CIB4: variants seen among roughly 807,000 people sequenced by gnomAD.
CIB4 encodes calcium and integrin binding family member 4.
CIB4 carries 25 observed loss-of-function variants against 25.8 expected under a neutral mutation model. The ratio of observed to expected loss-of-function variants is 0.97; its 90% confidence interval spans 0.71 to 1.35. The LOEUF is 1.35. Among genes scored for constraint, CIB4 ranks in the 40% most tolerant of loss-of-function variants. CIB4 has a pLI of 0.00. For synonymous variants in CIB4, 75 were observed against 81.4 expected, an observed-to-expected ratio of 0.92 and a Z score of 0.42; for missense variants, 235 against 228.2, an observed-to-expected ratio of 1.03 and a Z score of -0.19.
chr2:26,626,635 T>A (rs890624704), intron 3 of CIB4, among the ~76,000 whole-genome samples: 1 of 152,088 alleles, frequency 6.6e-6, no homozygotes, highest in African/African-American at 2.4e-5. Flanking sequence ...ATCAGAAAAG[T>A]AAAATTAAAA....
In CIB4 at chr2:26,627,518, C is replaced by T. The variant is rs934962012; in HGVS notation, c.186+1892G>A. Among the ~76,000 whole-genome samples the T allele has an allele frequency of 2.0e-5, 3 of 152,168 alleles. No homozygotes were observed. The highest frequency in any genetic ancestry group is 7.2e-5 in the African/African-American group (3 of 41,426). On this transcript the variant is annotated intron_variant, in intron 3 of 6. Transcript: ENST00000288861. This position sits in a 1 kb window ranked among gnomAD's most constrained non-coding sequence, Gnocchi z 4.0. ...GCCCTGCCTGTCTGGCTGGCCCTGACCCCGGGTCCCTTAGTGGATGGCCTG... is the reference window on the plus strand; with the variant it reads ...GCCCTGCCTGTCTGGCTGGCCCTGATCCCGGGTCCCTTAGTGGATGGCCTG...
chr2:26,598,235 G>T (rs934017246), intron 3 of CIB4, among the ~76,000 whole-genome samples: 3 of 151,920 alleles, frequency 2.0e-5, no homozygotes, highest in Non-Finnish European at 4.4e-5. Flanking sequence ...AGGAGGCGGA[G>T]GTTGCAGTGA....
At chr2:26,589,056 CTT>C (rs1235509696) in intron 4 of CIB4, among the ~76,000 whole-genome samples, 50 of 26,680 alleles carry the variant, frequency 1.9e-3, no homozygotes, top group Non-Finnish European at 3.2e-3. Flanking sequence ...TCTTCTTCTT[CTT>C]CCTCTTCCTC....
At chr2:26,633,299 C>A (rs1236200193) in intron 2 of CIB4, among the ~76,000 whole-genome samples, 1 of 152,200 alleles carries the variant, frequency 6.6e-6, no homozygotes, top group Admixed American at 6.5e-5. Flanking sequence ...CTGAATTTTC[C>A]CAACAACTCT....
chr2:26,609,920 A>G (rs1668965203), intron 3 of CIB4, among the ~76,000 whole-genome samples: 1 of 152,234 alleles, frequency 6.6e-6, no homozygotes, highest in African/African-American at 2.4e-5. Flanking sequence ...GTTCAAAGCA[A>G]GAGACTGTAA....
Position 26,627,479 on chromosome 2 carries a change from G to A in CIB4, c.186+1931C>T, listed in dbSNP as rs1023425685. On this transcript the variant is annotated intron_variant, in intron 3 of 6. Transcript: ENST00000288861. The surrounding 1 kb of genome is among the most constrained non-coding windows in gnomAD (Gnocchi z 4.0). ...CCCTGCACCCACCCAGGGGAGGGCA[G>A]AAGCTTCCCATCAGCCCTGCCTGTC... Among the ~76,000 whole-genome samples, 1 of 152,182 alleles carries A rather than the reference G, an allele frequency of 6.6e-6. No homozygotes were observed. Among genetic ancestry groups the A allele is most frequent in the Admixed American group, 6.5e-5 (1 of 15,284 alleles).
intron 2 of CIB4, among the ~76,000 whole-genome samples, chr2:26,637,034 A>T (rs977177329): frequency 1.3e-5 from 2 of 152,140 alleles, no homozygotes; most frequent in Admixed American, 1.3e-4. Context: ...TAAAATGCTG[A>T]CCAGAAGCTC....
chr2:26,587,134 G>A (rs933717735), intron 4 of CIB4, among the ~76,000 whole-genome samples: 15 of 151,686 alleles, frequency 9.9e-5, no homozygotes, highest in African/African-American at 1.5e-4. Flanking sequence ...GTGAAACCCC[G>A]TCTCTACTAA....
At chr2:26,610,654 C>T (rs1248206807) in intron 3 of CIB4, among the ~76,000 whole-genome samples, 1 of 152,218 alleles carries the variant, frequency 6.6e-6, no homozygotes, top group Non-Finnish European at 1.5e-5. Flanking sequence ...TACCTTCCCT[C>T]GGGTCCAAGA....
chr2:26,613,737 A>G (rs562326355), intron 3 of CIB4, among the ~76,000 whole-genome samples: 2 of 152,250 alleles, frequency 1.3e-5, no homozygotes, highest in South Asian at 2.1e-4. Context: ...CTGGAGTTGT[A>G]TCCGGTGCCT....
Position 26,629,439 on chromosome 2 carries a change from C to A in CIB4, c.157G>T (p.Asp53Tyr). 1 of 1,581,830 alleles carries A rather than the reference C, an allele frequency of 6.3e-7. No homozygotes were observed. The highest frequency in any genetic ancestry group is 8.6e-7 in the Non-Finnish European group (1 of 1,163,660). The change falls in exon 3 of 7, where the codon GAC (aspartate) becomes TAC (tyrosine). Residue 53 changes from aspartate (D) to tyrosine (Y), a missense_variant. By Grantham distance (160) the Asp-to-Tyr change is radical (BLOSUM62 -3). Coordinates refer to ENST00000288861, the MANE Select transcript of CIB4 (RefSeq NM_001029881.3). The stretch of plus-strand genomic sequence containing the variant: ...AGAGCTGGCAGGGAGCTGACCTGGT[C>A]CATGGTGAGCGTTGCCTCCTTGTAG... ...KYYKEATLTMDQVSSLPALRV... is the reference protein window; with the variant it reads ...KYYKEATLTMYQVSSLPALRV...
chr2:26,588,978 T>TTTCTTCTTCTTCTTCTTCTTCTTCTTC (rs879474454), intron 4 of CIB4, among the ~76,000 whole-genome samples: 8 of 69,888 alleles, frequency 1.1e-4, no homozygotes, highest in African/African-American at 1.6e-4. Flanking sequence ...CCGCTTCTTC[T>TTTCTTCTTCTTCTTCTTCTTCTTCTTC]TTCTTCTTCT....
At chr2:26,626,552 G>T (rs1037435766) in intron 3 of CIB4, among the ~76,000 whole-genome samples, 8 of 151,988 alleles carry the variant, frequency 5.3e-5, no homozygotes, top group Admixed American at 5.2e-4. Flanking sequence ...GTTTTTCTGT[G>T]TTCTCTAGTT....
Position 26,629,749 on chromosome 2 carries a change from G to A in CIB4, c.90-243C>T, listed in dbSNP as rs144483641. On this transcript the variant is annotated intron_variant, in intron 2 of 6. Coordinates refer to ENST00000288861, the MANE Select transcript of CIB4 (RefSeq NM_001029881.3). ...GTGTGCCAGGCACACCATAGAGGAT[G>A]CAGAGATGAGCCAGGTGAGAGGAAA... Among the ~76,000 whole-genome samples the A allele has an allele frequency of 3.5e-3, 535 of 152,360 alleles. 4 individuals carry two copies. Among genetic ancestry groups the A allele is most frequent in the African/African-American group, 0.012 (499 of 41,576 alleles).
At chr2:26,605,080 ATTT>A (rs1668862609) in intron 3 of CIB4, among the ~76,000 whole-genome samples, 1 of 152,224 alleles carries the variant, frequency 6.6e-6, no homozygotes, top group Non-Finnish European at 1.5e-5. Context: ...AGAAAATGTT[ATTT>A]GAACACAACA....
chr2:26,586,256 G>A (rs1041979213), intron 4 of CIB4, among the ~76,000 whole-genome samples: 1 of 152,084 alleles, frequency 6.6e-6, no homozygotes, highest in East Asian at 1.9e-4. Flanking sequence ...AAGTCAGCCC[G>A]CCCTCACTCT....
At chr2:26,590,516 C>T (rs1558556088) in intron 4 of CIB4, among the ~76,000 whole-genome samples, 7 of 152,030 alleles carry the variant, frequency 4.6e-5, no homozygotes, top group South Asian at 4.1e-4. Flanking sequence ...CGTCTTTGGA[C>T]GGAATCATCA....
rs946936105 is a variant in CIB4, at chr2:26,627,170, G to A, written c.186+2240C>T. ...ACCCCTCCAGTTCGGCTCCCCTTGG[G>A]CCCTCTGTGGCACCTGGAAGACCCA... On this transcript the variant is annotated intron_variant, in intron 3 of 6. Transcript: ENST00000288861. This position sits in a 1 kb window ranked among gnomAD's most constrained non-coding sequence, Gnocchi z 4.0. Among the ~76,000 whole-genome samples the A allele has an allele frequency of 1.3e-5, 2 of 152,132 alleles. No individual in the cohort carries two copies. Among genetic ancestry groups the A allele is most frequent in the African/African-American group, 2.4e-5 (1 of 41,416 alleles).
intron 3 of CIB4, among the ~76,000 whole-genome samples, chr2:26,600,698 T>C (rs570861213): frequency 6.6e-6 from 1 of 152,336 alleles, no homozygotes; most frequent in South Asian, 2.1e-4. Flanking sequence ...CTTTTGTATT[T>C]TAGTGCCTTT....
Sources: gnomAD v4.1 joint callset for allele counts (sites outside exome capture counted in the v4.1 genomes callset) on GRCh38, gnomAD v4.1.1 for gene constraint, Gnocchi (gnomAD v3.1) non-coding constraint, MANE v1.5 for transcripts, NCBI Gene and HGNC (gene_info 2026-07-23, HGNC 2026-07-21) for gene names.